The following ZMYM1 variants were observed in gnomAD, a reference collection of about 807,000 sequenced individuals.
ZMYM1 encodes the protein zinc finger MYM-type containing 1, also known as zinc finger MYM-type protein 1.
ZMYM1 carries 39 observed loss-of-function variants against 60.0 expected under a neutral mutation model. That is an observed-to-expected ratio of 0.65 (90% confidence interval 0.50 to 0.85). ZMYM1 has a LOEUF of 0.85. ZMYM1 is among the 40% of genes least tolerant of loss of function. The pLI, the probability that ZMYM1 is intolerant of heterozygous loss-of-function variation, is 0.00. For missense variants in ZMYM1, 1,171 were observed against 1,309.5 expected, an observed-to-expected ratio of 0.89 and a Z score of 1.63; for synonymous variants, 413 against 454.0, an observed-to-expected ratio of 0.91 and a Z score of 1.15.
intron 1 of ZMYM1, among the ~76,000 whole-genome samples, chr1:35,079,931 G>A (rs1642282194): frequency 6.6e-6 from 1 of 152,138 alleles, no homozygotes. Flanking sequence ...GGCCAACATG[G>A]CAAAACCCCG....
chr1:35,101,306 A>G (rs757590284), intron 4 of ZMYM1, among the ~76,000 whole-genome samples: 1 of 150,582 alleles, frequency 6.6e-6, no homozygotes, highest in African/African-American at 2.4e-5. Context: ...ATGGGGTTTC[A>G]CCGTGTTGGC....
chr1:35,096,036 C>T lies in ZMYM1; in HGVS notation c.169+145C>T, dbSNP rs977133779. 10 of 642,538 alleles carry T rather than the reference C, an allele frequency of 1.6e-5. No individual in the cohort carries two copies. The African/African-American group carries it at 1.7e-4, about 11-fold the overall frequency. 39.8% of individuals were successfully genotyped at this position (642,538 alleles called of 1,614,324 possible). The stretch of plus-strand genomic sequence containing the variant: ...ACCTGTAAGAAAATGAAAGAGAGGC[C>T]GTGCACAGTGGCTCACACCTGTAAT... On this transcript the variant is annotated intron_variant, in intron 3 of 9. Coordinates refer to ENST00000359858, the MANE Select transcript of ZMYM1 (RefSeq NM_024772.5).
intron 6 of ZMYM1, among the ~76,000 whole-genome samples, 158 bp from the exon 7 acceptor site, chr1:35,110,136 A>T (rs972422017): frequency 6.6e-6 from 1 of 152,194 alleles, no homozygotes; most frequent in African/African-American, 2.4e-5. Context: ...ATATTCTTTT[A>T]GTTATTGCAA....
At chr1:35,064,699 T>C (rs1641938844) in intron 1 of ZMYM1, among the ~76,000 whole-genome samples, 2 of 147,550 alleles carry the variant, frequency 1.4e-5, no homozygotes, top group South Asian at 4.3e-4. Flanking sequence ...TTTTTTTTTT[T>C]TTTTTTTTTG....
chr1:35,111,584 ATGT>A (rs1644088068), intron 7 of ZMYM1, among the ~76,000 whole-genome samples, 185 bp from the exon 8 acceptor site: 1 of 152,198 alleles, frequency 6.6e-6, no homozygotes, highest in Non-Finnish European at 1.5e-5. Context: ...TTTCAGTGTA[ATGT>A]TGTAATTATA....
chr1:35,118,715 A>G (rs1638564044), downstream of ZMYM1, among the ~76,000 whole-genome samples: 1 of 152,166 alleles, frequency 6.6e-6, no homozygotes, highest in Admixed American at 6.5e-5. Flanking sequence ...TCAAAAAAAA[A>G]ATCGAGGTTG....
chr1:35,075,111 T>C (rs1271700513), upstream of ZMYM1, among the ~76,000 whole-genome samples: 1 of 152,202 alleles, frequency 6.6e-6, no homozygotes, highest in Non-Finnish European at 1.5e-5. Context: ...TTATATCCTC[T>C]TGTTAAATTG....
chr1:35,095,290 A>G (rs1643246591), intron 2 of ZMYM1, among the ~76,000 whole-genome samples: 1 of 151,922 alleles, frequency 6.6e-6, no homozygotes, highest in African/African-American at 2.4e-5. Flanking sequence ...CAGGCAGATC[A>G]CTTGAGGCCA....
chr1:35,072,161 C>T (rs1175482611), intron 1 of ZMYM1, among the ~76,000 whole-genome samples: 1 of 152,060 alleles, frequency 6.6e-6, no homozygotes, highest in Admixed American at 6.6e-5. Context: ...TAAAATTCAG[C>T]AGTGAAGCCA....
At position 35,096,181 on chromosome 1, in the gene ZMYM1, G is replaced by A. The variant is rs183152537; in HGVS notation, c.169+290G>A. ...TACAAAATTAGCCAGGCGTGGTGGC[G>A]CATGCCTGTAATCCCAGCTACTCAG... On this transcript the variant is annotated intron_variant, in intron 3 of 9. Transcript: ENST00000359858. Among the ~76,000 whole-genome samples, 138 of 151,988 alleles carry A rather than the reference G, an allele frequency of 9.1e-4. 2 individuals are homozygous for A. In the South Asian group the frequency reaches 0.021, roughly 23 times the overall value.
At chr1:35,085,183 GACT>G (rs1014941971) in intron 1 of ZMYM1, among the ~76,000 whole-genome samples, 5 of 151,956 alleles carry the variant, frequency 3.3e-5, no homozygotes, top group Admixed American at 1.3e-4. Flanking sequence ...AAGTAGCTGG[GACT>G]ACAGGTGCCC....
At chr1:35,102,142 C>T (rs1393336062) in intron 4 of ZMYM1, among the ~76,000 whole-genome samples, 1 of 152,118 alleles carries the variant, frequency 6.6e-6, no homozygotes, top group Non-Finnish European at 1.5e-5. Context: ...AACCTGGCCT[C>T]ATAAATAGGT....
intron 1 of ZMYM1, among the ~76,000 whole-genome samples, chr1:35,069,986 A>G (rs1178971647): frequency 6.6e-6 from 1 of 152,178 alleles, no homozygotes; most frequent in Non-Finnish European, 1.5e-5. Flanking sequence ...TTTGGTTACT[A>G]TAGCTTGATA....
chr1:35,071,480 A>T, intron 1 of ZMYM1, among the ~76,000 whole-genome samples: 1 of 151,942 alleles, frequency 6.6e-6, no homozygotes, highest in East Asian at 1.9e-4. Context: ...CTGCAGGTGC[A>T]TGCCATCATG....
intron 4 of ZMYM1, among the ~76,000 whole-genome samples, chr1:35,097,974 C>T (rs945741885): frequency 3.9e-5 from 6 of 152,114 alleles, no homozygotes; most frequent in Admixed American, 6.6e-5. Flanking sequence ...GAAGACGTGT[C>T]GTCTTGGTTT....
chr1:35,088,541 TA>T (rs1269465610), intron 1 of ZMYM1, among the ~76,000 whole-genome samples: 2 of 147,892 alleles, frequency 1.4e-5, no homozygotes, highest in Non-Finnish European at 3.0e-5. Flanking sequence ...TACTACCAAG[TA>T]GTATTGCCCA....
At chr1:35,095,346 T>C (rs1292210905) in intron 2 of ZMYM1, among the ~76,000 whole-genome samples, 1 of 151,790 alleles carries the variant, frequency 6.6e-6, no homozygotes, top group Non-Finnish European at 1.5e-5. Flanking sequence ...ATTAAAAAAT[T>C]AGCCGGGCAT....
chr1:35,064,305 A>C (rs1190511606), intron 1 of ZMYM1, among the ~76,000 whole-genome samples: 6 of 143,752 alleles, frequency 4.2e-5, no homozygotes, highest in Non-Finnish European at 5.9e-5. Flanking sequence ...AAAAAAAAAA[A>C]AAAAAAAACA....
intron 1 of ZMYM1, among the ~76,000 whole-genome samples, chr1:35,085,536 A>G (rs1642609590): frequency 2.0e-5 from 3 of 152,138 alleles, no homozygotes; most frequent in Admixed American, 2.0e-4. Flanking sequence ...CCTCTGGCCC[A>G]AAGAGGAGGA....
Sources: allele counts gnomAD v4.1 joint callset (sites outside exome capture counted in the v4.1 genomes callset), GRCh38; gene constraint gnomAD v4.1.1; transcripts MANE v1.5; gene names NCBI Gene and HGNC (gene_info 2026-07-23, HGNC 2026-07-21).